LST1: variants seen among roughly 807,000 people sequenced by gnomAD.
LST1 encodes the protein leukocyte specific transcript 1.
Under a neutral mutation model 8.5 loss-of-function variants are expected in LST1, and 9 were observed. That is an observed-to-expected ratio of 1.06 (90% CI 0.64 to 1.85). The LOEUF (loss-of-function observed/expected upper bound fraction) is 1.85, where lower values mean the gene tolerates loss of function less well. LST1 is among the 40% of genes most tolerant of loss of function. LST1 has a pLI of 0.00. For missense variants in LST1, 121 were observed against 117.1 expected, an observed-to-expected ratio of 1.03 and a Z score of -0.16; for synonymous variants, 53 against 50.4, an observed-to-expected ratio of 1.05 and a Z score of -0.21.
rs1562499278 is a variant in LST1, at chr6:31,588,402, G to GA, written c.136-116_136-115insA. ...AGAGAGAGAGAGAGAGAGAGAGAGA[G>GA]GGAGAGAGAGAGAGAGAGAGGGAGA... On this transcript the variant is annotated intron_variant, in intron 4 of 4. Transcript: ENST00000438075. 3,773 of 844,000 alleles carry GA rather than the reference G, an allele frequency of 4.5e-3. 28 individuals are homozygous for GA. The East Asian group carries it at 0.069, about 15-fold the overall frequency. The allele number at this position is 844,000 out of a possible 1,614,324, so 52.3% of individuals were successfully genotyped here.
chr6:31,587,952 C>A lies in LST1; in HGVS notation c.121C>A (p.Leu41Met). The change falls in exon 4 of 5, where the codon CTG becomes ATG. Residue 41 changes from leucine to methionine, a missense_variant. Leu to Met is a conservative substitution (Grantham distance 15). Coordinates refer to ENST00000438075, the MANE Select transcript of LST1 (RefSeq NM_205839.3). Reference sequence around the variant, plus strand: ...TTCTTCTTTTCTTCCAGTAAAGAGGCTGGAGAGGAGCTGGGTGAGTCTGGG... The same window carrying A: ...TTCTTCTTTTCTTCCAGTAAAGAGGATGGAGAGGAGCTGGGTGAGTCTGGG... ...LCWLHRRVKR[L>M]ERSWAQGSSE... The A allele has an allele frequency of 1.2e-6, 2 of 1,609,966 alleles. No individual in the cohort carries two copies. Among genetic ancestry groups the A allele is most frequent in the Non-Finnish European group, 1.7e-6 (2 of 1,178,468 alleles).
intron 4 of LST1, chr6:31,588,299 G>A: frequency 1.6e-6 from 1 of 625,370 alleles, no homozygotes; most frequent in South Asian, 2.1e-5. Flanking sequence ...GCAAGGCTGA[G>A]GCAGGAAGAT....
chr6:31,588,372 AAAAG>A (rs1772204166), intron 4 of LST1, 142 bp from the exon 5 acceptor site: 1 of 792,082 alleles, frequency 1.3e-6, no homozygotes, highest in Non-Finnish European at 2.0e-6. Context: ...CTCCAAAGAA[AAAAG>A]AGAGAGAGAG....
At chr6:31,588,346 C>G (rs1772197832) in intron 4 of LST1, 172 bp from the exon 5 acceptor site, 1 of 704,108 alleles carries the variant, frequency 1.4e-6, no homozygotes, top group Admixed American at 2.9e-5. Flanking sequence ...TCCTGGACAA[C>G]ATAGTGGGAC....
In LST1 at chr6:31,587,629, T is replaced by C. The variant is rs1315726186; in HGVS notation, c.20-12T>C. On this transcript the variant is annotated splice_polypyrimidine_tract_variant and intron_variant, in intron 2 of 4. Coordinates refer to ENST00000438075, the MANE Select transcript of LST1 (RefSeq NM_205839.3). ...GAATGGGCTTCCTAACCTTGAGCCC[T>C]CTTCCCTGAAGATATATGTATCTAC... 6.4e-7 allele frequency: 1 copy of C among 1,553,328 alleles called. No homozygotes were observed. The highest frequency in any genetic ancestry group is 8.8e-7 in the Non-Finnish European group (1 of 1,136,616).
chr6:31,588,339 T>C (rs1319553225), intron 4 of LST1, 179 bp from the exon 5 acceptor site: 1 of 691,600 alleles, frequency 1.4e-6, no homozygotes, highest in Non-Finnish European at 2.4e-6. Flanking sequence ...AAGACAATCC[T>C]GGACAACATA....
chr6:31,586,987 C>T (rs964558809), intron 1 of LST1: 11 of 523,306 alleles, frequency 2.1e-5, no homozygotes, highest in Admixed American at 1.6e-4. Flanking sequence ...TTGGGCAGAG[C>T]TGGCCTTAAA....
chr6:31,588,240 GA>G, intron 4 of LST1: 3 of 580,902 alleles, frequency 5.2e-6, no homozygotes, highest in South Asian at 2.3e-5. Flanking sequence ...GAGAGAGAGA[GA>G]GGCTCCAGAA....
intron 2 of LST1, 51 bp from the exon 3 acceptor site, chr6:31,587,590 G>A: frequency 8.5e-7 from 1 of 1,171,864 alleles, no homozygotes; most frequent in Non-Finnish European, 1.2e-6. Flanking sequence ...GGAGGCTGGG[G>A]TACGCTGGAG....
intron 4 of LST1, 140 bp from the exon 5 acceptor site, chr6:31,588,378 G>GAA (rs28986170): frequency 0.045 from 23,142 of 516,026 alleles, 221 homozygotes; most frequent in South Asian, 0.068. Flanking sequence ...AGAAAAAAGA[G>GAA]AGAGAGAGAG....
Position 31,588,582 on chromosome 6 carries a change from G to C in LST1, c.200G>C (p.Ser67Thr), listed in dbSNP as rs895927418. The C allele has an allele frequency of 6.2e-7, 1 of 1,613,038 alleles. No individual in the cohort carries two copies. The highest frequency in any genetic ancestry group is 1.7e-5 in the Admixed American group (1 of 59,992). The part of the protein sequence containing the change: ...ASLQRLPVPS[S>T]EGPDLRGRDK... Reference sequence around the variant, plus strand: ...CTGCAGAGGCTGCCAGTGCCCAGCAGTGAGGGACCTGACCTCAGGGGCAGA... The same window carrying C: ...CTGCAGAGGCTGCCAGTGCCCAGCACTGAGGGACCTGACCTCAGGGGCAGA... Residue 67 changes from serine to threonine, a missense_variant, in exon 5 of 5, where the codon AGT becomes ACT. Physicochemically the swap from Ser to Thr is moderately conservative, Grantham distance 58. Coordinates refer to ENST00000438075, the MANE Select transcript of LST1 (RefSeq NM_205839.3).
intron 4 of LST1, 144 bp downstream of exon 4, chr6:31,588,110 C>T (rs1255775013): frequency 5.1e-6 from 4 of 789,808 alleles, no homozygotes; most frequent in East Asian, 2.8e-5. Context: ...CAGAGAAAAT[C>T]GAGGCAAAAG....
chr6:31,588,686 A>C lies in LST1; in HGVS notation c.*10A>C. On this transcript the variant is annotated 3_prime_UTR_variant, in exon 5 of 5. Coordinates refer to ENST00000438075, the MANE Select transcript of LST1 (RefSeq NM_205839.3). ...GAACAAACCCACCTGAGCACCCCAGACACCTTCCTCAACCCAGGCGGGTGG... is the reference window on the plus strand; with the variant it reads ...GAACAAACCCACCTGAGCACCCCAGCCACCTTCCTCAACCCAGGCGGGTGG... 1 of 1,613,032 alleles carries C rather than the reference A, an allele frequency of 6.2e-7. No homozygotes were observed. Among genetic ancestry groups the C allele is most frequent in the Non-Finnish European group, 8.5e-7 (1 of 1,179,976 alleles).
chr6:31,588,878 T>A lies in LST1; in HGVS notation c.*202T>A, dbSNP rs9461711. On this transcript the variant is annotated 3_prime_UTR_variant, in exon 5 of 5. Transcript: ENST00000438075. ...TTTTTAAATTTTTTAAAAATTAAAA[T>A]AAAAAAAACACATGGCTCACCCTTC... 1 of 882,200 alleles carries A rather than the reference T, an allele frequency of 1.1e-6. No individual in the cohort carries two copies. The highest frequency in any genetic ancestry group is 1.7e-6 in the Non-Finnish European group (1 of 584,224). 54.6% of individuals were successfully genotyped at this position (882,200 alleles called of 1,614,324 possible).
Position 31,588,786 on chromosome 6 carries a change from C to A in LST1, c.*110C>A. 1 of 1,238,436 alleles carries A rather than the reference C, an allele frequency of 8.1e-7. No homozygotes were observed. The highest frequency in any genetic ancestry group is 1.2e-6 in the Non-Finnish European group (1 of 842,492). 76.7% of individuals were successfully genotyped at this position (1,238,436 alleles called of 1,614,324 possible). On this transcript the variant is annotated 3_prime_UTR_variant, in exon 5 of 5. Transcript: ENST00000438075. Reference sequence around the variant, plus strand: ...CTGTGTCTCAGTCCTCTCAGTCCATCTCGAGCCTCCGTTCAAATTGATCAT... The same window carrying A: ...CTGTGTCTCAGTCCTCTCAGTCCATATCGAGCCTCCGTTCAAATTGATCAT...
chr6:31,588,530 T>C lies in LST1; in HGVS notation c.148T>C (p.Ser50Pro). 6.2e-7 allele frequency: 1 copy of C among 1,606,984 alleles called. No homozygotes were observed. Among genetic ancestry groups the C allele is most frequent in the Non-Finnish European group, 8.5e-7 (1 of 1,177,200 alleles). Reference protein sequence around the residue: ...RLERSWAQGSSEQELHYASLQ... With the variant: ...RLERSWAQGSPEQELHYASLQ... ...GTCCTGGTCCCAGGCCCAGGGCTCC[T>C]CAGAGCAGGAACTCCACTATGCATC... Residue 50 changes from serine to proline, a missense_variant, in exon 5 of 5, where the codon TCA becomes CCA. Transcript: ENST00000438075.
chr6:31,586,957 GA>G, intron 1 of LST1: 1 of 455,056 alleles, frequency 2.2e-6, no homozygotes, highest in Non-Finnish European at 4.0e-6. Context: ...CAGGGCAGAG[GA>G]AAGGGCTGGG....
At chr6:31,588,320 C>G (rs531463432) in intron 4 of LST1, 198 bp from the exon 5 acceptor site, 7 of 646,340 alleles carry the variant, frequency 1.1e-5, no homozygotes, top group Non-Finnish European at 1.9e-5. Flanking sequence ...AGCTTGAGCT[C>G]AGGGGTTGAA....
Position 31,588,824 on chromosome 6 carries a change from T to A in LST1, c.*148T>A, listed in dbSNP as rs138155767. ...TCAAATTGATCATCATCAAAACTTA[T>A]GTGGCTTTTTGACCTTTGAATAGGG... On this transcript the variant is annotated 3_prime_UTR_variant, in exon 5 of 5. Coordinates refer to ENST00000438075, the MANE Select transcript of LST1 (RefSeq NM_205839.3). 16 of 976,938 alleles carry A rather than the reference T, an allele frequency of 1.6e-5. No homozygotes were observed. Among genetic ancestry groups the A allele is most frequent in the Non-Finnish European group, 2.5e-5 (16 of 638,274 alleles). 60.5% of individuals were successfully genotyped at this position (976,938 alleles called of 1,614,324 possible). A position where few individuals can be genotyped will look rare whatever the true frequency, so the allele number is the denominator to read the frequency against.
Sources: gnomAD v4.1 joint callset for allele counts on GRCh38, gnomAD v4.1.1 for gene constraint, MANE v1.5 for transcripts, NCBI Gene and HGNC (gene_info 2026-07-23, HGNC 2026-07-21) for gene names.